ZNF721: variants seen among roughly 807,000 people sequenced by gnomAD.
The protein encoded by ZNF721 is zinc finger protein 721.
A neutral mutation model predicts 2.4 loss-of-function variants in ZNF721; 2 were observed. The observed-to-expected ratio is 0.82, with a 90% confidence interval of 0.34 to 2.58. The LOEUF (loss-of-function observed/expected upper bound fraction) is 2.58. Ranked by LOEUF, ZNF721 falls within the 30% of genes most tolerant of loss-of-function variation. The probability of loss-of-function intolerance (pLI) is 0.11; values close to 1 mark genes in which losing one functional copy is unlikely to be tolerated. For missense variants in ZNF721, 1,187 were observed against 1,085.5 expected (o/e 1.09, Z -1.31); for synonymous variants, 398 against 381.8 (o/e 1.04, Z -0.50).
At chr4:484,713 C>G (rs1553869967) in intron 1 of ZNF721, among the ~76,000 whole-genome samples, 1 of 152,184 alleles carries the variant, frequency 6.6e-6, no homozygotes, top group African/African-American at 2.4e-5. Context: ...ATCTCAAAAC[C>G]CTGTCTCCTG....
At chr4:454,011 T>C (rs1714756822) in intron 2 of ZNF721, 1 of 146,780 alleles carries the variant, frequency 6.8e-6, no homozygotes, top group Admixed American at 6.7e-5. Flanking sequence ...ATGGCTCCTC[T>C]AATGTTCCTC....
chr4:467,701 G>C (rs1715295761), intron 2 of ZNF721, among the ~76,000 whole-genome samples: 1 of 152,244 alleles, frequency 6.6e-6, no homozygotes, highest in Non-Finnish European at 1.5e-5. Flanking sequence ...GACACACCCA[G>C]CCATGACCCT....
At chr4:462,948 T>C (rs1403033138) in intron 2 of ZNF721, among the ~76,000 whole-genome samples, 3 of 152,140 alleles carry the variant, frequency 2.0e-5, no homozygotes, top group Admixed American at 1.3e-4. Context: ...AAAGAAGTTA[T>C]CATCAGAGTG....
At chr4:448,171 T>C (rs1249537933) in intron 2 of ZNF721, among the ~76,000 whole-genome samples, 2 of 152,158 alleles carry the variant, frequency 1.3e-5, no homozygotes, top group Admixed American at 6.5e-5. Context: ...AAAAAAGTCT[T>C]AACAGAAGTT....
intron 2 of ZNF721, among the ~76,000 whole-genome samples, chr4:454,669 T>C (rs1714790684): frequency 6.6e-6 from 1 of 152,174 alleles, no homozygotes; most frequent in Non-Finnish European, 1.5e-5. Context: ...GGTATTTTCC[T>C]ACAATTGAGG....
intron 1 of ZNF721, among the ~76,000 whole-genome samples, chr4:491,937 G>A (rs956058861): frequency 5.9e-5 from 9 of 151,982 alleles, no homozygotes; most frequent in Admixed American, 6.6e-5. Context: ...GGCAGATCAC[G>A]AGGTCAGGAG....
chr4:456,050 T>TTTTTTTTATTTA (rs372286059), intron 2 of ZNF721, among the ~76,000 whole-genome samples: 2 of 144,334 alleles, frequency 1.4e-5, no homozygotes, highest in African/African-American at 2.6e-5. Flanking sequence ...CCAAAAAAAT[T>TTTTTTTTATTTA]TTTATTTATT....
At chr4:478,750 T>A (rs1330326223) in intron 1 of ZNF721, among the ~76,000 whole-genome samples, 1 of 151,544 alleles carries the variant, frequency 6.6e-6, no homozygotes, top group East Asian at 1.9e-4. Context: ...GTTTTGTACA[T>A]TGTGCAAAGG....
chr4:461,201 T>A (rs925442702), intron 2 of ZNF721, among the ~76,000 whole-genome samples: 5 of 152,096 alleles, frequency 3.3e-5, no homozygotes, highest in Admixed American at 6.6e-5. Flanking sequence ...AAATCCTCAA[T>A]AAAATACTGG....
In ZNF721 at chr4:443,673, G is replaced by C; in HGVS notation, c.794C>G (p.Ala265Gly). ...GCCAGTATGAATCCTCTTATGTTTAGCAAAGCTTGAGGATGAGGAAATGAC... is the reference window on the plus strand; with the variant it reads ...GCCAGTATGAATCCTCTTATGTTTACCAAAGCTTGAGGATGAGGAAATGAC... ...GKVISSSSSF[A>G]KHKRIHTGEK... Residue 265 changes from alanine (A) to glycine (G), a missense_variant, in exon 3 of 3, where the codon GCT becomes GGT. Coordinates refer to ENST00000511833, the MANE Select transcript of ZNF721 (RefSeq NM_133474.4). 1 of 1,613,762 alleles carries C rather than the reference G, an allele frequency of 6.2e-7. No homozygotes were observed. The highest frequency in any genetic ancestry group is 8.5e-7 in the Non-Finnish European group (1 of 1,179,924).
intron 2 of ZNF721, among the ~76,000 whole-genome samples, chr4:471,495 T>C (rs1355424514): frequency 6.6e-6 from 1 of 152,064 alleles, no homozygotes; most frequent in Non-Finnish European, 1.5e-5. Flanking sequence ...GACGGGTAAA[T>C]CTAAAAATGT....
chr4:489,917 C>T (rs1435134202), intron 1 of ZNF721, among the ~76,000 whole-genome samples: 2 of 152,076 alleles, frequency 1.3e-5, no homozygotes, highest in Non-Finnish European at 2.9e-5. Context: ...TGGAGTGCAG[C>T]AGTGTGACCT....
intron 1 of ZNF721, among the ~76,000 whole-genome samples, chr4:497,894 T>C (rs1183988260): frequency 7.1e-6 from 1 of 140,764 alleles, no homozygotes; most frequent in African/African-American, 2.6e-5. Flanking sequence ...CGAGACTCCG[T>C]CTCAAAAACA....
intron 2 of ZNF721, among the ~76,000 whole-genome samples, chr4:471,258 C>T (rs1715423735): frequency 1.3e-5 from 2 of 152,052 alleles, no homozygotes; most frequent in Non-Finnish European, 2.9e-5. Flanking sequence ...GTCATACTAC[C>T]AAAGGAAATT....
intron 1 of ZNF721, among the ~76,000 whole-genome samples, chr4:484,546 A>C (rs1436851111): frequency 6.6e-6 from 1 of 152,232 alleles, no homozygotes; most frequent in Non-Finnish European, 1.5e-5. Flanking sequence ...AGGAGAATAC[A>C]CGCCTGGAGG....
intron 2 of ZNF721, 116 bp downstream of exon 2, chr4:472,459 A>G: frequency 8.7e-7 from 1 of 1,150,550 alleles, no homozygotes; most frequent in Non-Finnish European, 1.2e-6. Context: ...TAACTTACAT[A>G]GCTGTGTGTG....
intron 1 of ZNF721, among the ~76,000 whole-genome samples, chr4:482,333 T>G (rs1436894806): frequency 1.3e-5 from 2 of 151,976 alleles, no homozygotes; most frequent in African/African-American, 4.8e-5. Flanking sequence ...CTGGCTAATT[T>G]TTTGTATTTT....
intron 1 of ZNF721, among the ~76,000 whole-genome samples, chr4:486,635 A>G (rs1203138582): frequency 2.0e-5 from 3 of 152,250 alleles, no homozygotes; most frequent in Non-Finnish European, 4.4e-5. Context: ...GCAAAAGTTG[A>G]TTCAGGAACA....
intron 2 of ZNF721, among the ~76,000 whole-genome samples, chr4:460,042 G>C (rs782439107): frequency 8.5e-5 from 13 of 152,104 alleles, no homozygotes; most frequent in Non-Finnish European, 1.9e-4. Context: ...CAATGAGACA[G>C]AAAATTAACA....
Sources: gnomAD v4.1 joint callset for allele counts (sites outside exome capture counted in the v4.1 genomes callset) on GRCh38, gnomAD v4.1.1 for gene constraint, MANE v1.5 for transcripts, NCBI Gene and HGNC (gene_info 2026-07-23, HGNC 2026-07-21) for gene names.